The following RIC1 variants were observed in gnomAD, a reference collection of about 807,000 sequenced individuals.
The protein encoded by RIC1 is RIC1 partner of RAB6A GEF complex, also known as guanine nucleotide exchange factor subunit RIC1.
A neutral mutation model predicts 169.0 loss-of-function variants in RIC1; 88 were observed. The ratio of observed to expected loss-of-function variants is 0.52; its 90% confidence interval spans 0.44 to 0.62. RIC1 has a LOEUF of 0.62. RIC1 is among the 20% of genes least tolerant of loss of function. RIC1 has a pLI of 0.00. For missense variants in RIC1, 1,877 were observed against 1,725.5 expected, an observed-to-expected ratio of 1.09 and a Z score of -1.56; for synonymous variants, 790 against 601.5, an observed-to-expected ratio of 1.31 and a Z score of -4.59.
intron 17 of RIC1, among the ~76,000 whole-genome samples, chr9:5,760,200 G>GAGA (rs1412848337): frequency 6.6e-6 from 1 of 152,182 alleles, no homozygotes. Context: ...AACTCTCATA[G>GAGA]AGAATCATCT....
intron 3 of RIC1, among the ~76,000 whole-genome samples, chr9:5,696,580 TTCA>T (rs895557712): frequency 2.0e-5 from 3 of 150,912 alleles, no homozygotes; most frequent in African/African-American, 7.3e-5. Context: ...ACACTACTAA[TTCA>T]TCAATACCTT....
At chr9:5,725,848 T>C (rs537575144) in intron 6 of RIC1, among the ~76,000 whole-genome samples, 1 of 152,326 alleles carries the variant, frequency 6.6e-6, no homozygotes, top group Admixed American at 6.5e-5. Context: ...GGTTGTTCAG[T>C]TTCATGTAGT....
At chr9:5,640,612 A>G (rs1488619031) in intron 1 of RIC1, among the ~76,000 whole-genome samples, 2 of 152,200 alleles carry the variant, frequency 1.3e-5, no homozygotes, top group African/African-American at 4.8e-5. Context: ...ATAAGAGTGT[A>G]ATTGTGCTGT....
intron 23 of RIC1, among the ~76,000 whole-genome samples, chr9:5,771,700 G>A (rs561396386): frequency 6.6e-6 from 1 of 152,200 alleles, no homozygotes; most frequent in African/African-American, 2.4e-5. Context: ...TTTGATAGTA[G>A]TCATCCTAAT....
At chr9:5,652,524 A>C (rs529349259) in intron 1 of RIC1, among the ~76,000 whole-genome samples, 6 of 152,148 alleles carry the variant, frequency 3.9e-5, no homozygotes, top group African/African-American at 1.4e-4. Flanking sequence ...TAGTGTATAG[A>C]GGCATTACTG....
At chr9:5,711,207 T>G (rs1822909031) in intron 3 of RIC1, among the ~76,000 whole-genome samples, 1 of 152,130 alleles carries the variant, frequency 6.6e-6, no homozygotes, top group South Asian at 2.1e-4. Flanking sequence ...GGAATGTCAT[T>G]GAACTCCACA....
intron 12 of RIC1, among the ~76,000 whole-genome samples, chr9:5,748,982 C>T (rs761198177): frequency 1.8e-4 from 28 of 152,018 alleles, no homozygotes; most frequent in Non-Finnish European, 3.7e-4. Flanking sequence ...ATAAATAATG[C>T]CACATTGATT....
At chr9:5,744,055 A>T (rs929596122) in intron 10 of RIC1, among the ~76,000 whole-genome samples, 20 of 152,008 alleles carry the variant, frequency 1.3e-4, no homozygotes, top group Non-Finnish European at 2.9e-4. Flanking sequence ...ATAAAATCAC[A>T]AAACTATTTT....
chr9:5,728,257 C>T (rs766912966), intron 6 of RIC1, among the ~76,000 whole-genome samples: 1 of 152,250 alleles, frequency 6.6e-6, no homozygotes, highest in Non-Finnish European at 1.5e-5. Context: ...ACACCCCTCC[C>T]CCAGCTTCGC....
At chr9:5,693,138 C>G (rs992918574) in intron 3 of RIC1, among the ~76,000 whole-genome samples, 1 of 151,994 alleles carries the variant, frequency 6.6e-6, no homozygotes, top group African/African-American at 2.4e-5. Context: ...TTCTAATAGT[C>G]CTGAAGAATA....
intron 1 of RIC1, among the ~76,000 whole-genome samples, chr9:5,633,258 A>G (rs1404908693): frequency 6.6e-6 from 1 of 152,184 alleles, no homozygotes; most frequent in East Asian, 1.9e-4. Flanking sequence ...GACCTCAGGA[A>G]GACCATTTTA....
chr9:5,763,219 G>C lies in RIC1; in HGVS notation c.2192G>C (p.Arg731Pro). The C allele has an allele frequency of 6.2e-7, 1 of 1,614,042 alleles. No homozygotes were observed. Among genetic ancestry groups the C allele is most frequent in the Non-Finnish European group, 8.5e-7 (1 of 1,179,988 alleles). ...WTTCRANKQK[R>P]HLLEALWLSC... The stretch of plus-strand genomic sequence containing the variant: ...ACGTGTCGAGCAAATAAACAGAAAC[G>C]TCACCTTCTGGAGGCCCTCTGGCTG... The change falls in exon 19 of 26, where the codon CGT (arginine) becomes CCT (proline). Residue 731 changes from arginine to proline, a missense_variant. Transcript: ENST00000414202. This position sits in a 1 kb window ranked among gnomAD's most constrained non-coding sequence, Gnocchi z 5.2.
At chr9:5,674,494 T>G (rs1379995396) in intron 2 of RIC1, among the ~76,000 whole-genome samples, 1 of 152,006 alleles carries the variant, frequency 6.6e-6, no homozygotes, top group African/African-American at 2.4e-5. Context: ...GAAAGGATAA[T>G]AAAAACTCAG....
intron 1 of RIC1, among the ~76,000 whole-genome samples, chr9:5,638,233 T>C (rs539509168): frequency 6.6e-6 from 1 of 152,336 alleles, no homozygotes; most frequent in African/African-American, 2.4e-5. Context: ...TAATATATTG[T>C]TGAATCTCAT....
At chr9:5,666,227 A>G (rs1012780603) in intron 2 of RIC1, among the ~76,000 whole-genome samples, 1 of 152,208 alleles carries the variant, frequency 6.6e-6, no homozygotes, top group East Asian at 1.9e-4. Flanking sequence ...GCTGTGCTAC[A>G]CTGCAGGAAA....
At chr9:5,753,398 CT>C in intron 13 of RIC1, 137 bp from the exon 14 acceptor site, 1 of 818,876 alleles carries the variant, frequency 1.2e-6, no homozygotes, top group Non-Finnish European at 2.0e-6. Context: ...TCAGATATAA[CT>C]GAATATTTGG....
chr9:5,662,971 T>G (rs1819543480), intron 2 of RIC1, among the ~76,000 whole-genome samples: 1 of 152,212 alleles, frequency 6.6e-6, no homozygotes, highest in Non-Finnish European at 1.5e-5. Flanking sequence ...GGGCATGTAG[T>G]GCTATAAATT....
At chr9:5,732,344 TG>T (rs748964598) in intron 6 of RIC1, 43 bp from the exon 7 acceptor site, 1 of 1,435,586 alleles carries the variant, frequency 7.0e-7, no homozygotes, top group Non-Finnish European at 9.7e-7. Context: ...ACGGTAAATT[TG>T]GAGAAACACT....
At chr9:5,747,698 G>A (rs1400027872) in intron 12 of RIC1, among the ~76,000 whole-genome samples, 193 bp downstream of exon 12, 1 of 152,188 alleles carries the variant, frequency 6.6e-6, no homozygotes, top group Non-Finnish European at 1.5e-5. Flanking sequence ...TTGGCGTAGA[G>A]TGTATCCCCA....
Sources: allele counts gnomAD v4.1 joint callset (sites outside exome capture counted in the v4.1 genomes callset), GRCh38; gene constraint gnomAD v4.1.1; non-coding constraint Gnocchi (gnomAD v3.1); transcripts MANE v1.5; gene names NCBI Gene and HGNC (gene_info 2026-07-23, HGNC 2026-07-21).